Variants in RPS6KC1 observed in about 807,000 individuals in gnomAD.
RPS6KC1 encodes the protein ribosomal protein S6 kinase C1, also known as inactive ribosomal protein S6 kinase delta-1.
In RPS6KC1, 54 loss-of-function variants were observed where a neutral mutation model predicts 103.8. The ratio of observed to expected loss-of-function variants is 0.52; its 90% CI spans 0.42 to 0.65. The LOEUF is 0.65. RPS6KC1 is among the 30% of genes least tolerant of loss of function. The pLI is 0.00. For synonymous variants in RPS6KC1, 439 were observed against 438.7 expected (o/e 1.00, Z -0.01); for missense variants, 1,151 against 1,253.8 (o/e 0.92, Z 1.24).
At chr1:213,638,962 T>G in the RPS6KC1 span, among the ~76,000 whole-genome samples, 1 of 152,112 alleles carries the variant, frequency 6.6e-6, no homozygotes, top group South Asian at 2.1e-4. Context: ...ATCTTTAGTA[T>G]GCTGAGTCTT....
At chr1:213,227,817 T>G (rs138275089) in intron 8 of RPS6KC1, among the ~76,000 whole-genome samples, 181 of 152,350 alleles carry the variant, frequency 1.2e-3, no homozygotes, top group Middle Eastern at 3.4e-3. Flanking sequence ...TTTCTGTGCT[T>G]TGCCTTTCTT....
At chr1:213,541,825 G>C in the RPS6KC1 span, among the ~76,000 whole-genome samples, 1 of 152,162 alleles carries the variant, frequency 6.6e-6, no homozygotes, top group Non-Finnish European at 1.5e-5. Context: ...GAAAGGGAGG[G>C]CCTGGGCAAA....
rs959565120 is a variant in RPS6KC1 at position 213,272,629 on chromosome 1, A to C, written c.3196A>C (p.Arg1066=). The change falls in exon 15 of 15, where the codon AGA becomes CGA. Residue 1066 remains arginine (R), a synonymous_variant. Coordinates refer to ENST00000366960, the MANE Select transcript of RPS6KC1 (RefSeq NM_012424.6). ...FTPVDWAELM[R] Reference sequence around the variant, plus strand: ...CCCTGTGGATTGGGCAGAACTGATGAGATGAACGTAATGCAGGGTTATCTT... The same window carrying C: ...CCCTGTGGATTGGGCAGAACTGATGCGATGAACGTAATGCAGGGTTATCTT... The C allele has an allele frequency of 1.9e-6, 3 of 1,607,824 alleles. No homozygotes were observed. In the African/African-American group the frequency reaches 4.0e-5, roughly 22 times the overall value.
chr1:213,344,216 A>G, the RPS6KC1 span, among the ~76,000 whole-genome samples: 1 of 152,238 alleles, frequency 6.6e-6, no homozygotes, highest in Non-Finnish European at 1.5e-5. Flanking sequence ...CAGACCTAAA[A>G]AAAATCAGTA....
chr1:213,749,295 T>A, the RPS6KC1 span, among the ~76,000 whole-genome samples: 1,521 of 152,228 alleles, frequency 1.0e-2, 30 homozygotes, highest in African/African-American at 0.035. Context: ...ATGGAGTAGG[T>A]AGGACATCGA....
At chr1:213,633,356 G>T in the RPS6KC1 span, among the ~76,000 whole-genome samples, 2 of 152,186 alleles carry the variant, frequency 1.3e-5, no homozygotes, top group Non-Finnish European at 2.9e-5. Context: ...TTTCTCAGCA[G>T]AAACTCTACA....
rs573428026 is a variant in RPS6KC1, at chr1:213,151,787, C to G, written c.836-16071C>G. Among the ~76,000 whole-genome samples, 9 of 134,414 alleles carry G rather than the reference C, an allele frequency of 6.7e-5. No homozygotes were observed. The East Asian group carries it at 2.1e-3, about 32-fold the overall frequency. The allele number at this position is 134,414 out of a possible 152,430, so 88.2% of individuals were successfully genotyped here. A position where few individuals can be genotyped will look rare whatever the true frequency, so the allele number is the denominator to read the frequency against. ...GGCTGGCCTGGCGGGGGGCTGACCC[C>G]CCCCACCTCCCTCCCGGACGGGGCA... On this transcript the variant is annotated intron_variant, in intron 6 of 14. Coordinates refer to ENST00000366960, the MANE Select transcript of RPS6KC1 (RefSeq NM_012424.6).
the RPS6KC1 span, among the ~76,000 whole-genome samples, chr1:213,429,778 T>C: frequency 1.3e-5 from 2 of 152,236 alleles, no homozygotes; most frequent in Non-Finnish European, 2.9e-5. Flanking sequence ...ATGAGCATCA[T>C]GCTAATACCC....
chr1:213,844,020 A>T, the RPS6KC1 span, among the ~76,000 whole-genome samples: 1 of 151,988 alleles, frequency 6.6e-6, no homozygotes, highest in Non-Finnish European at 1.5e-5. Context: ...AAAGAAGAAG[A>T]GAAAAAGAAC....
the RPS6KC1 span, among the ~76,000 whole-genome samples, chr1:213,617,953 C>T: frequency 6.6e-6 from 1 of 152,142 alleles, no homozygotes; most frequent in Non-Finnish European, 1.5e-5. Context: ...CTATCTGCAG[C>T]CTTGTTTCTT....
chr1:213,650,946 A>G, the RPS6KC1 span, among the ~76,000 whole-genome samples: 4 of 142,110 alleles, frequency 2.8e-5, no homozygotes, highest in Admixed American at 2.1e-4. Context: ...AAAAAAAAAA[A>G]GAGGGGAGAG....
At chr1:213,482,374 A>G in the RPS6KC1 span, among the ~76,000 whole-genome samples, 1 of 151,428 alleles carries the variant, frequency 6.6e-6, no homozygotes, top group Non-Finnish European at 1.5e-5. Flanking sequence ...GGAGATGCTT[A>G]TTTGTTTTGG....
At chr1:213,786,815 T>C in the RPS6KC1 span, among the ~76,000 whole-genome samples, 2 of 152,174 alleles carry the variant, frequency 1.3e-5, no homozygotes, top group Non-Finnish European at 2.9e-5. Flanking sequence ...CAAATCTTCT[T>C]CCTCAGTGAT....
the RPS6KC1 span, among the ~76,000 whole-genome samples, chr1:213,358,291 A>T: frequency 2.0e-5 from 3 of 152,314 alleles, no homozygotes; most frequent in East Asian, 5.8e-4. Context: ...TAAGCTATTA[A>T]TTATGGCCTC....
chr1:213,313,917 C>A, the RPS6KC1 span, among the ~76,000 whole-genome samples: 1 of 152,136 alleles, frequency 6.6e-6, no homozygotes, highest in Non-Finnish European at 1.5e-5. Flanking sequence ...GGCGCCACTG[C>A]ACTCCAGCCT....
chr1:213,183,901 T>C (rs764711972), intron 8 of RPS6KC1, among the ~76,000 whole-genome samples: 3 of 152,050 alleles, frequency 2.0e-5, no homozygotes, highest in Non-Finnish European at 4.4e-5. Flanking sequence ...AAAAAGAGAA[T>C]ACACCAATTA....
chr1:213,117,189 C>T lies in RPS6KC1; in HGVS notation c.379-128C>T, dbSNP rs183508715. ...GTTTTTTTTTGAAAACACTTGTCAT[C>T]TAGTTTAATAGATTAGTATAGTCGT... On this transcript the variant is annotated intron_variant, in intron 4 of 14. Coordinates refer to ENST00000366960, the MANE Select transcript of RPS6KC1 (RefSeq NM_012424.6). The T allele has an allele frequency of 2.3e-5, 12 of 523,048 alleles. No individual in the cohort carries two copies. In the East Asian group the frequency reaches 3.6e-4, roughly 16 times the overall value. The allele number at this position is 523,048 out of a possible 1,614,324, so 32.4% of individuals were successfully genotyped here.
chr1:213,741,723 C>T, the RPS6KC1 span, among the ~76,000 whole-genome samples: 8 of 152,132 alleles, frequency 5.3e-5, no homozygotes, highest in African/African-American at 1.7e-4. Flanking sequence ...ATGGTGCCTC[C>T]GCCCTTCTCT....
intron 3 of RPS6KC1, among the ~76,000 whole-genome samples, chr1:213,094,535 C>T (rs2081283306): frequency 6.6e-6 from 1 of 152,056 alleles, no homozygotes; most frequent in East Asian, 1.9e-4. Flanking sequence ...CTATATCTGT[C>T]TGATTGTTTT....
Sources: gnomAD v4.1 joint callset for allele counts (sites outside exome capture counted in the v4.1 genomes callset) on GRCh38, gnomAD v4.1.1 for gene constraint, MANE v1.5 for transcripts, NCBI Gene and HGNC (gene_info 2026-07-23, HGNC 2026-07-21) for gene names.